Variants in HYDIN observed in about 807,000 individuals in gnomAD.
HYDIN encodes the protein HYDIN axonemal central pair apparatus protein.
Under a neutral mutation model 403.9 loss-of-function variants are expected in HYDIN, and 132 were observed. That is an observed-to-expected ratio of 0.33 (90% CI 0.28 to 0.38). The LOEUF (loss-of-function observed/expected upper bound fraction) is 0.38. HYDIN is among the 10% of genes least tolerant of loss of function. HYDIN has a pLI of 1.00. For synonymous variants in HYDIN, 1,202 were observed against 1,891.7 expected, an observed-to-expected ratio of 0.64 and a Z score of 9.46; for missense variants, 2,827 against 5,009.5, an observed-to-expected ratio of 0.56 and a Z score of 13.15.
intron 73 of HYDIN, among the ~76,000 whole-genome samples, chr16:70,853,384 A>G (rs1282504924): frequency 6.6e-6 from 1 of 150,854 alleles, no homozygotes; most frequent in East Asian, 1.9e-4. Context: ...CCCCAGTGAC[A>G]TGAAGACACA....
intron 83 of HYDIN, among the ~76,000 whole-genome samples, chr16:70,820,831 T>C (rs984787261): frequency 2.6e-5 from 4 of 151,990 alleles, no homozygotes; most frequent in Non-Finnish European, 4.4e-5. Context: ...GTATTTTTAG[T>C]AGAGACGGGG....
At chr16:71,057,318 T>TA (rs2081932487) in intron 18 of HYDIN, among the ~76,000 whole-genome samples, 2 of 151,518 alleles carry the variant, frequency 1.3e-5, no homozygotes, top group Admixed American at 1.3e-4. Flanking sequence ...TGAAAACCTC[T>TA]ATTAAAAAGA....
chr16:71,077,712 A>T (rs2082661485), intron 13 of HYDIN, among the ~76,000 whole-genome samples: 1 of 151,856 alleles, frequency 6.6e-6, no homozygotes, highest in African/African-American at 2.4e-5. Flanking sequence ...TTTCAACATT[A>T]AATTGTAATA....
intron 7 of HYDIN, among the ~76,000 whole-genome samples, chr16:71,146,008 T>C (rs2085353412): frequency 6.6e-6 from 1 of 152,218 alleles, no homozygotes; most frequent in Non-Finnish European, 1.5e-5. Context: ...TAGCGTTTTT[T>C]GAAATTATAC....
chr16:71,089,888 G>A (rs2083059194), intron 11 of HYDIN, among the ~76,000 whole-genome samples: 1 of 135,502 alleles, frequency 7.4e-6, no homozygotes, highest in Non-Finnish European at 1.6e-5. Context: ...CAGCCTAGAG[G>A]AAACACTCAC....
intron 23 of HYDIN, among the ~76,000 whole-genome samples, chr16:70,995,319 A>C (rs926029414): frequency 6.6e-6 from 1 of 152,210 alleles, no homozygotes; most frequent in Non-Finnish European, 1.5e-5. Flanking sequence ...AGTGCATAGC[A>C]AACAAGAACA....
Position 70,895,830 on chromosome 16 carries a change from T to C in HYDIN, c.9148+151A>G. 3 of 1,358,146 alleles carry C rather than the reference T, an allele frequency of 2.2e-6. No homozygotes were observed. In the Admixed American group the frequency reaches 9.2e-5, roughly 41 times the overall value. The allele number at this position is 1,358,146 out of a possible 1,614,324, so 84.1% of individuals were successfully genotyped here. ...TTACGATTTGTAGTCATGCTGCTAA[T>C]ATCACTCTGGGGCTCACATTATTAT... On this transcript the variant is annotated intron_variant, in intron 54 of 85. Coordinates refer to ENST00000393567, the MANE Select transcript of HYDIN (RefSeq NM_001270974.2).
chr16:70,871,993 T>G lies in HYDIN; in HGVS notation c.11091+44A>C, dbSNP rs372599716. The stretch of plus-strand genomic sequence containing the variant: ...GCTGACAATCAGTCTGGGGTTGGCT[T>G]AGGACTAAGGGATTCCAAAAAATGA... On this transcript the variant is annotated intron_variant, in intron 65 of 85. Transcript: ENST00000393567. The G allele has an allele frequency of 1.2e-4, 197 of 1,598,356 alleles. 1 individual carries two copies. The African/African-American group carries it at 2.3e-3, about 19-fold the overall frequency.
Position 70,828,683 on chromosome 16 carries a change from A to G in HYDIN, c.14113-254T>C, listed in dbSNP as rs554577711. ...AAAAAAGTTATGCATATATATAAGA[A>G]CCATTTATAATGTTGATGAAAATTT... On this transcript the variant is annotated intron_variant, in intron 81 of 85. Transcript: ENST00000393567. 6.6e-5 allele frequency among the ~76,000 whole-genome samples: 10 copies of G among 152,306 alleles called. No homozygotes were observed. In the East Asian group the frequency reaches 1.9e-3, roughly 29 times the overall value.
chr16:71,185,752 T>C (rs1223689856), intron 2 of HYDIN, among the ~76,000 whole-genome samples: 1 of 152,218 alleles, frequency 6.6e-6, no homozygotes, highest in East Asian at 1.9e-4. Context: ...AGAATGTTCC[T>C]ACTATATGTG....
intron 3 of HYDIN, among the ~76,000 whole-genome samples, chr16:71,184,643 AAGAAGTATAACT>A (rs2087057082): frequency 6.6e-6 from 1 of 152,184 alleles, no homozygotes; most frequent in African/African-American, 2.4e-5. Flanking sequence ...GTAGCTAAGA[AAGAAGTATAACT>A]AGTCAAAAGT....
chr16:70,817,527 G>C (rs2035917102), intron 84 of HYDIN: 1 of 152,180 alleles, frequency 6.6e-6, no homozygotes, highest in Admixed American at 6.5e-5. Context: ...GATAGAATCT[G>C]GACAGTGAGA....
chr16:71,181,680 T>C (rs935974583), intron 3 of HYDIN, among the ~76,000 whole-genome samples: 1 of 152,160 alleles, frequency 6.6e-6, no homozygotes, highest in Non-Finnish European at 1.5e-5. Context: ...AAGCAAATAT[T>C]TAAGAATGTA....
rs907398822 is a variant in HYDIN at position 70,989,992 on chromosome 16, C to A, written c.3864+1326G>T. On this transcript the variant is annotated intron_variant, in intron 25 of 85. Transcript: ENST00000393567. ...AGTAGCTAAGAGCAAGCAAGATGGT[C>A]GAGTCTTCCAGCTCCACTGCTTGAT... 2.6e-5 allele frequency among the ~76,000 whole-genome samples: 4 copies of A among 152,142 alleles called. No individual in the cohort carries two copies. In the South Asian group the frequency reaches 8.3e-4, roughly 31 times the overall value.
Position 71,175,612 on chromosome 16 carries a change from TCTC to T in HYDIN, c.508_510del (p.Glu170del), listed in dbSNP as rs749171471. 2.5e-6 allele frequency: 4 copies of T among 1,614,078 alleles called. No individual in the cohort carries two copies. The highest frequency in any genetic ancestry group is 3.4e-6 in the Non-Finnish European group (4 of 1,179,934). On this transcript the variant is annotated inframe_deletion, in exon 5 of 86. Coordinates refer to ENST00000393567, the MANE Select transcript of HYDIN (RefSeq NM_001270974.2). ...CTTGCCATTCCTGGTATTACCTTGT[TCTC>T]CTCTGGAGTAAAGAGGATTCGGAAT...
In HYDIN at chr16:70,807,509, T is replaced by G; in HGVS notation, c.*71A>C. The G allele has an allele frequency of 6.8e-7, 1 of 1,480,708 alleles. No homozygotes were observed. Among genetic ancestry groups the G allele is most frequent in the Non-Finnish European group, 9.1e-7 (1 of 1,101,450 alleles). 91.7% of individuals were successfully genotyped at this position (1,480,708 alleles called of 1,614,324 possible). On this transcript the variant is annotated 3_prime_UTR_variant, in exon 86 of 86. Transcript: ENST00000393567. ...AAAACAGTTCCTTTAGAATTCTTATTGTTTTCTCTATTCTTTTTCAGGCTA... is the reference window on the plus strand; with the variant it reads ...AAAACAGTTCCTTTAGAATTCTTATGGTTTTCTCTATTCTTTTTCAGGCTA...
intron 23 of HYDIN, among the ~76,000 whole-genome samples, chr16:70,992,693 G>A (rs1199032598): frequency 6.6e-6 from 1 of 151,422 alleles, no homozygotes; most frequent in Non-Finnish European, 1.5e-5. Context: ...GCAGGCTCGG[G>A]TTTCTTACAT....
chr16:70,937,792 T>G (rs917696131), intron 44 of HYDIN, among the ~76,000 whole-genome samples: 3 of 149,288 alleles, frequency 2.0e-5, no homozygotes, highest in African/African-American at 7.4e-5. Flanking sequence ...GGTGAGTATC[T>G]AGGCTCTGTA....
intron 13 of HYDIN, among the ~76,000 whole-genome samples, chr16:71,069,742 T>C (rs369106475): frequency 2.0e-5 from 3 of 152,244 alleles, no homozygotes; most frequent in East Asian, 1.9e-4. Context: ...TTACTATGCA[T>C]TTACTATGTG....
Sources: allele counts gnomAD v4.1 joint callset (sites outside exome capture counted in the v4.1 genomes callset), GRCh38; gene constraint gnomAD v4.1.1; transcripts MANE v1.5; gene names NCBI Gene and HGNC (gene_info 2026-07-23, HGNC 2026-07-21).